SGCD: variants seen among roughly 807,000 people sequenced by gnomAD.
SGCD encodes the protein sarcoglycan delta, also known as delta-sarcoglycan.
SGCD carries 18 observed loss-of-function variants against 36.6 expected under a neutral mutation model. The observed-to-expected ratio is 0.49, with a 90% CI of 0.34 to 0.73. SGCD has a LOEUF of 0.73. SGCD is among the 30% of genes least tolerant of loss of function. The pLI is 0.01. For missense variants in SGCD, 387 were observed against 346.7 expected (o/e 1.12, Z -0.92); for synonymous variants, 133 against 130.6 (o/e 1.02, Z -0.12).
chr5:156,370,901 C>T (rs957778569), intron 3 of SGCD, among the ~76,000 whole-genome samples: 5 of 152,008 alleles, frequency 3.3e-5, no homozygotes, highest in Middle Eastern at 3.2e-3. Context: ...TTCTAAGATT[C>T]TGTGGGAGGC....
chr5:156,568,683 A>C (rs1759595374), intron 4 of SGCD, among the ~76,000 whole-genome samples: 2 of 152,248 alleles, frequency 1.3e-5, no homozygotes, highest in African/African-American at 4.8e-5. Context: ...CATGTGTGCC[A>C]GATCCAAACT....
intron 3 of SGCD, among the ~76,000 whole-genome samples, chr5:156,368,496 AT>A (rs1390263672): frequency 6.6e-6 from 1 of 152,138 alleles, no homozygotes; most frequent in African/African-American, 2.4e-5. Context: ...AGAAGACAGG[AT>A]TTTTTTGTTA....
At chr5:156,539,723 T>A (rs1317503155) in intron 4 of SGCD, among the ~76,000 whole-genome samples, 1 of 152,120 alleles carries the variant, frequency 6.6e-6, no homozygotes, top group Non-Finnish European at 1.5e-5. Flanking sequence ...ATAAACATGG[T>A]TGTGCGTCTA....
chr5:156,446,003 C>A (rs1753742224), intron 3 of SGCD, among the ~76,000 whole-genome samples: 1 of 152,040 alleles, frequency 6.6e-6, no homozygotes, highest in African/African-American at 2.4e-5. Flanking sequence ...TCTAGGAATT[C>A]TTGTAAGAAT....
chr5:156,206,545 C>T (rs758522050), intron 3 of SGCD, among the ~76,000 whole-genome samples: 4 of 151,956 alleles, frequency 2.6e-5, no homozygotes, highest in Admixed American at 6.6e-5. Flanking sequence ...TAAATGTGGC[C>T]AGTCTGATCA....
chr5:156,284,590 G>A (rs1194493423), intron 3 of SGCD, among the ~76,000 whole-genome samples: 1 of 152,110 alleles, frequency 6.6e-6, no homozygotes, highest in Non-Finnish European at 1.5e-5. Context: ...TATCTCAATA[G>A]ATGCAGAAAA....
At chr5:156,212,871 G>T (rs1304775692) in intron 3 of SGCD, among the ~76,000 whole-genome samples, 1 of 151,856 alleles carries the variant, frequency 6.6e-6, no homozygotes, top group East Asian at 1.9e-4. Flanking sequence ...ACAAATACAT[G>T]GAAATTAAAC....
chr5:156,685,701 C>A (rs1270861661), intron 7 of SGCD, among the ~76,000 whole-genome samples: 1 of 152,184 alleles, frequency 6.6e-6, no homozygotes, highest in African/African-American at 2.4e-5. Context: ...GGGATATTGT[C>A]ATTTACTTTA....
chr5:156,371,428 A>AG (rs1047781492), intron 3 of SGCD, among the ~76,000 whole-genome samples: 4 of 152,320 alleles, frequency 2.6e-5, no homozygotes, highest in African/African-American at 9.6e-5. Flanking sequence ...TGAAAAAACA[A>AG]GGAGAAAAAA....
At chr5:156,621,376 A>G (rs988512307) in intron 6 of SGCD, among the ~76,000 whole-genome samples, 1 of 152,176 alleles carries the variant, frequency 6.6e-6, no homozygotes, top group African/African-American at 2.4e-5. Context: ...TATTTTTAGT[A>G]GAGACGGGGT....
intron 3 of SGCD, among the ~76,000 whole-genome samples, chr5:156,356,312 A>G (rs4288104): frequency 0.41 from 62,173 of 151,916 alleles, 13,495 homozygotes; most frequent in East Asian, 0.79. Context: ...TGGGACTGGA[A>G]TTATCTCCAG....
At chr5:156,366,742 CA>C (rs912136077) in intron 3 of SGCD, among the ~76,000 whole-genome samples, 1 of 152,046 alleles carries the variant, frequency 6.6e-6, no homozygotes, top group African/African-American at 2.4e-5. Flanking sequence ...GAAAGCCAGA[CA>C]AAGTGAATGA....
chr5:156,117,631 A>C (rs909328004), intron 1 of SGCD, among the ~76,000 whole-genome samples: 5 of 152,100 alleles, frequency 3.3e-5, no homozygotes, highest in African/African-American at 1.2e-4. Context: ...TGATTATCAC[A>C]AAGAACTCTT....
chr5:156,141,432 G>A (rs1762578344), intron 3 of SGCD, among the ~76,000 whole-genome samples: 1 of 152,234 alleles, frequency 6.6e-6, no homozygotes, highest in African/African-American at 2.4e-5. Context: ...GAACTGATAT[G>A]TGGGCTGCTC....
At chr5:156,391,140 C>A (rs1771538733) in intron 3 of SGCD, among the ~76,000 whole-genome samples, 2 of 152,152 alleles carry the variant, frequency 1.3e-5, no homozygotes, top group South Asian at 4.1e-4. Context: ...ATCTTTTGTA[C>A]CATATTTTTA....
At chr5:156,396,682 T>C (rs984849354) in intron 3 of SGCD, among the ~76,000 whole-genome samples, 6 of 152,182 alleles carry the variant, frequency 3.9e-5, no homozygotes, top group Non-Finnish European at 7.4e-5. Flanking sequence ...GAGGCAGGCA[T>C]GTGTGGGAGA....
intron 7 of SGCD, among the ~76,000 whole-genome samples, chr5:156,716,188 G>A (rs1755214467): frequency 6.6e-6 from 1 of 152,148 alleles, no homozygotes; most frequent in African/African-American, 2.4e-5. Flanking sequence ...CACTAACTTT[G>A]ATGTTGATGA....
At chr5:155,917,697 C>T (rs902673980) in intron 1 of SGCD, among the ~76,000 whole-genome samples, 6 of 152,270 alleles carry the variant, frequency 3.9e-5, no homozygotes, top group African/African-American at 1.4e-4. Context: ...CAGGAGACAG[C>T]TCACCTTGCT....
intron 7 of SGCD, among the ~76,000 whole-genome samples, chr5:156,680,048 A>T (rs1753664306): frequency 1.3e-5 from 2 of 152,190 alleles, no homozygotes; most frequent in African/African-American, 4.8e-5. Flanking sequence ...TCAGTATAGC[A>T]GCTTGTTTCT....
Sources: gnomAD v4.1 joint callset for allele counts (sites outside exome capture counted in the v4.1 genomes callset) on GRCh38, gnomAD v4.1.1 for gene constraint, MANE v1.5 for transcripts, NCBI Gene and HGNC (gene_info 2026-07-23, HGNC 2026-07-21) for gene names.